SCARA5: variants seen among roughly 807,000 people sequenced by gnomAD.
The protein encoded by SCARA5 is scavenger receptor class A, member 5 (putative).
A neutral mutation model predicts 46.3 loss-of-function variants in SCARA5; 45 were observed. The observed-to-expected ratio is 0.97, with a 90% confidence interval of 0.76 to 1.24. SCARA5 has a LOEUF of 1.24. Among genes scored for constraint, SCARA5 ranks in the 50% most tolerant of loss-of-function variants. SCARA5 has a pLI of 0.00. For synonymous variants in SCARA5, 333 were observed against 306.5 expected (o/e 1.09, Z -0.90); for missense variants, 680 against 689.0 (o/e 0.99, Z 0.15).
intron 3 of SCARA5, among the ~76,000 whole-genome samples, chr8:27,959,525 G>C (rs545230775): frequency 1.3e-5 from 2 of 152,312 alleles, no homozygotes; most frequent in Admixed American, 1.3e-4. Flanking sequence ...ACTAGGAGGA[G>C]AGCCAGCACA....
intron 2 of SCARA5, among the ~76,000 whole-genome samples, chr8:27,973,562 T>A (rs1160936218): frequency 6.6e-6 from 1 of 152,166 alleles, no homozygotes; most frequent in Non-Finnish European, 1.5e-5. Context: ...CCCATGCAGG[T>A]AAACTGTAGA....
intron 3 of SCARA5, among the ~76,000 whole-genome samples, chr8:27,949,624 G>A (rs1444794826): frequency 6.6e-6 from 1 of 152,208 alleles, no homozygotes; most frequent in Non-Finnish European, 1.5e-5. Context: ...AGGCAGATCG[G>A]AGAGCAGCAG....
intron 6 of SCARA5, among the ~76,000 whole-genome samples, chr8:27,905,690 A>C (rs1288040057): frequency 7.3e-6 from 1 of 136,230 alleles, no homozygotes; most frequent in African/African-American, 2.7e-5. Flanking sequence ...GTGTTGTCTA[A>C]TTTTCTTTTC....
intron 1 of SCARA5, among the ~76,000 whole-genome samples, chr8:27,989,587 G>A (rs900546575): frequency 6.6e-6 from 1 of 152,076 alleles, no homozygotes; most frequent in Non-Finnish European, 1.5e-5. Flanking sequence ...CCCCCATAAC[G>A]GGCACACACA....
rs566835218 is a variant in SCARA5, at chr8:27,988,480, G to A, written c.-15-850C>T. ...ATCCCATTTTGTAAGACATGCACGC[G>A]TAAGGTGCGTGTGGATGTAAGACGC... On this transcript the variant is annotated intron_variant, in intron 1 of 8. Transcript: ENST00000354914. Among the ~76,000 whole-genome samples, 7 of 152,364 alleles carry A rather than the reference G, an allele frequency of 4.6e-5. No individual in the cohort carries two copies. In the East Asian group the frequency reaches 9.6e-4, roughly 21 times the overall value.
chr8:27,918,661 TGA>T (rs1807513274), intron 4 of SCARA5, among the ~76,000 whole-genome samples: 1 of 2,692 alleles, frequency 3.7e-4, no homozygotes, highest in Non-Finnish European at 7.4e-4. Context: ...AAAAGGAAGA[TGA>T]GGAGGAAAAG....
At chr8:27,989,983 G>A (rs1808764483) in intron 1 of SCARA5, among the ~76,000 whole-genome samples, 1 of 152,214 alleles carries the variant, frequency 6.6e-6, no homozygotes, top group Non-Finnish European at 1.5e-5. Flanking sequence ...TCTGCCAAAG[G>A]CAATAGCCTC....
intron 2 of SCARA5, 123 bp from the exon 3 acceptor site, chr8:27,966,665 C>A: frequency 9.3e-7 from 1 of 1,071,538 alleles, no homozygotes; most frequent in East Asian, 2.6e-5. Context: ...TCTCACATCC[C>A]TTTTGCATGT....
At chr8:27,962,009 C>T (rs541811154) in intron 3 of SCARA5, among the ~76,000 whole-genome samples, 15 of 152,272 alleles carry the variant, frequency 9.9e-5, no homozygotes, top group Middle Eastern at 3.4e-3. Context: ...TAATACCCTT[C>T]CTTGTTCCGT....
intron 4 of SCARA5, among the ~76,000 whole-genome samples, chr8:27,915,301 C>A (rs1307212502): frequency 6.6e-6 from 1 of 152,196 alleles, no homozygotes; most frequent in Non-Finnish European, 1.5e-5. Flanking sequence ...GCTGGGACTG[C>A]CCTTGCTACC....
At chr8:27,977,115 T>C (rs982650433) in intron 2 of SCARA5, among the ~76,000 whole-genome samples, 2 of 152,178 alleles carry the variant, frequency 1.3e-5, no homozygotes, top group African/African-American at 2.4e-5. Context: ...TATACTCCCA[T>C]GGCAGCAAGA....
intron 3 of SCARA5, among the ~76,000 whole-genome samples, chr8:27,943,223 T>A (rs948789532): frequency 2.0e-5 from 3 of 152,304 alleles, no homozygotes; most frequent in Admixed American, 1.3e-4. Context: ...GGATCCCCTT[T>A]CCTTAAGGTT....
rs201571544 is a variant in SCARA5 at position 27,904,824 on chromosome 8, G to T, written c.1107C>A (p.Gly369=). The change falls in exon 7 of 9, where the codon GGC becomes GGA. Residue 369 remains glycine (G), a synonymous_variant. Coordinates refer to ENST00000354914, the MANE Select transcript of SCARA5 (RefSeq NM_173833.6). ...MGMRGFKGDR[G]PKGEKGEKGD... is the part of the protein sequence containing the mutation. ...CTTTCTCTCCTTTCTCTCCTTTTGG[G>T]CCTCGGTCACCTAAAACAGAGGAGG... 10 of 1,610,296 alleles carry T rather than the reference G, an allele frequency of 6.2e-6. No homozygotes were observed. The East Asian group carries it at 2.0e-4, about 32-fold the overall frequency.
intron 3 of SCARA5, among the ~76,000 whole-genome samples, chr8:27,959,172 G>A (rs1772613126): frequency 6.6e-6 from 1 of 152,182 alleles, no homozygotes; most frequent in African/African-American, 2.4e-5. Flanking sequence ...GGCAGAGGTT[G>A]CAATGAGCTG....
chr8:27,918,910 A>G (rs111215907), intron 4 of SCARA5, among the ~76,000 whole-genome samples: 3 of 62 alleles, frequency 0.048, no homozygotes, highest in African/African-American at 0.083. Context: ...AGGAGGAGGA[A>G]GGGAAGGAGG....
chr8:27,941,643 C>T (rs1350377005), intron 3 of SCARA5, among the ~76,000 whole-genome samples: 2 of 151,858 alleles, frequency 1.3e-5, no homozygotes, highest in African/African-American at 2.4e-5. Flanking sequence ...GCACACCCTG[C>T]ACCTCCCCTT....
chr8:27,921,692 C>A lies in SCARA5; in HGVS notation c.795G>T (p.Ala265=), dbSNP rs757186800. The change falls in exon 4 of 9, where the codon GCG becomes GCT. Residue 265 remains alanine (A), a synonymous_variant. Coordinates refer to ENST00000354914, the MANE Select transcript of SCARA5 (RefSeq NM_173833.6). ...ASEDTRRLRL[A]HVGMELQLKQ... ...TCAGCTGCAGCTCCATGCCTACGTG[C>A]GCCAGGCGCAGGCGGCGCGTGTCCT... 1 of 1,606,932 alleles carries A rather than the reference C, an allele frequency of 6.2e-7. No homozygotes were observed. The highest frequency in any genetic ancestry group is 8.5e-7 in the Non-Finnish European group (1 of 1,177,226).
intron 3 of SCARA5, among the ~76,000 whole-genome samples, chr8:27,934,673 A>G (rs1807827203): frequency 6.6e-6 from 1 of 152,162 alleles, no homozygotes; most frequent in African/African-American, 2.4e-5. Context: ...TCTCCCCCAG[A>G]GCTCTTCCTT....
chr8:27,931,728 T>C (rs1807776431), intron 3 of SCARA5, among the ~76,000 whole-genome samples: 1 of 151,920 alleles, frequency 6.6e-6, no homozygotes, highest in African/African-American at 2.4e-5. Flanking sequence ...GGGTGCGATC[T>C]CAGCTCACTG....
Sources: allele counts gnomAD v4.1 joint callset (sites outside exome capture counted in the v4.1 genomes callset), GRCh38; gene constraint gnomAD v4.1.1; transcripts MANE v1.5; gene names NCBI Gene and HGNC (gene_info 2026-07-23, HGNC 2026-07-21).